Variants in LINC00632 observed in about 807,000 individuals in gnomAD.
LINC00632 encodes the protein long independently transcribed non-coding RNA 632.
At chrX:140,760,718 C>A (rs1420522084) in intron 3 of LINC00632, among the ~76,000 whole-genome samples, 1 of 111,183 alleles carries the variant, frequency 9.0e-6, no homozygotes, top group Non-Finnish European at 1.9e-5. Context: ...TTGCAGTGAG[C>A]AACCTATATA....
Position 140,766,916 on chromosome X carries a change from T to C in LINC00632, n.192-5162T>C, listed in dbSNP as rs148008690. 2.0e-3 allele frequency among the ~76,000 whole-genome samples: 187 copies of C among 91,376 alleles called. 1 individual carries two copies. Among genetic ancestry groups the C allele is most frequent in the African/African-American group, 6.3e-3 (179 of 28,519 alleles). 79.3% of individuals were successfully genotyped at this position (91,376 alleles called of 115,157 possible). ...AAAGAAAATTCATATTGTAGAAACT[T>C]AGACTCACATTTTGTGTTAGAACCT... On this transcript the variant is annotated intron_variant and non_coding_transcript_variant, in intron 3 of 4. Transcript: ENST00000648200.
intron 3 of LINC00632, among the ~76,000 whole-genome samples, chrX:140,735,897 C>T (rs1306015774): frequency 9.0e-6 from 1 of 111,397 alleles, no homozygotes; most frequent in Admixed American, 9.7e-5. Flanking sequence ...AATATAAGAA[C>T]TTGAGGCTAC....
intron 1 of LINC00632, among the ~76,000 whole-genome samples, chrX:140,710,259 A>AT (rs1008390937): frequency 3.6e-5 from 4 of 112,008 alleles, no homozygotes; most frequent in Non-Finnish European, 5.6e-5. Context: ...ACGATGCCTC[A>AT]TTTTTTTAAA....
At chrX:140,717,179 C>T (rs1001922704) in intron 2 of LINC00632, among the ~76,000 whole-genome samples, 3 of 110,376 alleles carry the variant, frequency 2.7e-5, no homozygotes, top group African/African-American at 9.9e-5. Context: ...GACAGGGTTT[C>T]ATCATGTTGG....
chrX:140,758,322 A>G (rs1200394333), intron 3 of LINC00632, among the ~76,000 whole-genome samples: 1 of 110,257 alleles, frequency 9.1e-6, no homozygotes, highest in East Asian at 2.8e-4. Flanking sequence ...AGATTTTTCT[A>G]GAATATGTTC....
chrX:140,751,138 C>T (rs1420692135), intron 3 of LINC00632, among the ~76,000 whole-genome samples: 1 of 111,114 alleles, frequency 9.0e-6, no homozygotes, highest in African/African-American at 3.3e-5. Context: ...TGGGTAAATG[C>T]CCAGTTGTGG....
chrX:140,738,915 C>G (rs184604319), intron 3 of LINC00632, among the ~76,000 whole-genome samples: 25 of 111,974 alleles, frequency 2.2e-4, no homozygotes, highest in African/African-American at 7.8e-4. Flanking sequence ...AAAACCACTT[C>G]TATGGAAAAA....
chrX:140,789,400 A>G (rs1207191537), exon 5 of LINC00632, among the ~76,000 whole-genome samples: 3 of 109,680 alleles, frequency 2.7e-5, no homozygotes, highest in African/African-American at 9.8e-5. Flanking sequence ...GCTATTATAG[A>G]TAATGCTATA....
intron 3 of LINC00632, among the ~76,000 whole-genome samples, chrX:140,755,323 A>G (rs1425432334): frequency 4.5e-5 from 5 of 112,005 alleles, no homozygotes; most frequent in Admixed American, 3.8e-4. Context: ...TTAAAACTCT[A>G]CCAATCCTCT....
chrX:140,730,818 A>G (rs1212910412), intron 2 of LINC00632, among the ~76,000 whole-genome samples: 1 of 111,730 alleles, frequency 9.0e-6, no homozygotes, highest in East Asian at 2.8e-4. Context: ...TTGAATACCC[A>G]ACACCATATT....
At chrX:140,739,954 G>A (rs1433407028) in intron 3 of LINC00632, among the ~76,000 whole-genome samples, 7 of 112,141 alleles carry the variant, frequency 6.2e-5, no homozygotes, top group East Asian at 2.8e-4. Context: ...ATATATTATC[G>A]TATTTACAAA....
intron 2 of LINC00632, among the ~76,000 whole-genome samples, chrX:140,717,040 A>G (rs1484695496): frequency 1.8e-5 from 2 of 109,661 alleles, no homozygotes; most frequent in Non-Finnish European, 3.8e-5. Context: ...GCTGGAGTGC[A>G]GTGGCGCAAT....
At chrX:140,720,516 T>G (rs1930710596) in intron 2 of LINC00632, among the ~76,000 whole-genome samples, 1 of 111,577 alleles carries the variant, frequency 9.0e-6, no homozygotes, top group East Asian at 2.8e-4. Flanking sequence ...ACAAAACACT[T>G]TCTTGCTCCA....
intron 3 of LINC00632, among the ~76,000 whole-genome samples, chrX:140,744,579 T>A (rs113793525): frequency 1.1e-3 from 12 of 11,243 alleles, no homozygotes; most frequent in East Asian, 0.021. Flanking sequence ...GGGGGGGGGG[T>A]GGGGGGAGGA....
At chrX:140,756,836 GA>G in intron 3 of LINC00632, among the ~76,000 whole-genome samples, 1 of 110,424 alleles carries the variant, frequency 9.1e-6, no homozygotes, top group East Asian at 2.8e-4. Flanking sequence ...ATTTAATTCT[GA>G]AAAAAATTTA....
chrX:140,717,110 G>A (rs950848045), intron 2 of LINC00632, among the ~76,000 whole-genome samples: 7 of 109,427 alleles, frequency 6.4e-5, no homozygotes, highest in Non-Finnish European at 1.3e-4. Context: ...TCAGCCTCCC[G>A]AGTAGCTGGG....
At chrX:140,786,105 T>C (rs1166460437) in exon 5 of LINC00632, among the ~76,000 whole-genome samples, 4 of 111,849 alleles carry the variant, frequency 3.6e-5, no homozygotes, top group Non-Finnish European at 7.5e-5. Flanking sequence ...CATAATTAAA[T>C]TTTTACAGTT....
chrX:140,736,882 C>CT lies in LINC00632; in HGVS notation n.191+2924dup, dbSNP rs1271593284. Among the ~76,000 whole-genome samples, 9 of 105,041 alleles carry CT rather than the reference C, an allele frequency of 8.6e-5. No individual in the cohort carries two copies. In the Admixed American group the frequency reaches 9.2e-4, roughly 11 times the overall value. 91.2% of individuals were successfully genotyped at this position (105,041 alleles called of 115,157 possible). ...ATGAAATGAAGATTGATGCTTTTTT[C>CT]TTTTTTCTTTTTCTTTTCTTTTTTT... On this transcript the variant is annotated intron_variant and non_coding_transcript_variant, in intron 3 of 4. Transcript: ENST00000648200.
rs755801923 is a variant in LINC00632 at position 140,730,904 on chromosome X, C to CT, written n.105-2971dup. On this transcript the variant is annotated intron_variant and non_coding_transcript_variant, in intron 2 of 4. Transcript: ENST00000648200. ...GACAAGTGACTTCATTTCTTTCTTT[C>CT]TTTCTTTTTTTTTTTGAGATGGAGT... is the stretch of plus-strand genomic sequence containing the variant. 1.3e-3 allele frequency among the ~76,000 whole-genome samples: 139 copies of CT among 110,026 alleles called. 1 individual carries two copies. The highest frequency in any genetic ancestry group is 4.5e-3 in the African/African-American group (136 of 30,189).
Sources: gnomAD v4.1 joint callset for allele counts (sites outside exome capture counted in the v4.1 genomes callset) on GRCh38, gnomAD v4.1.1 for gene constraint, MANE v1.5 for transcripts, NCBI Gene and HGNC (gene_info 2026-07-23, HGNC 2026-07-21) for gene names.